Variants in KCNAB2 observed in about 807,000 individuals in gnomAD.
KCNAB2 encodes potassium voltage-gated channel subfamily A regulatory beta subunit 2, also known as voltage-gated potassium channel subunit beta-2.
In KCNAB2, 29 loss-of-function variants were observed where a neutral mutation model predicts 63.6. The ratio of observed to expected loss-of-function variants is 0.46; its 90% confidence interval spans 0.34 to 0.62. KCNAB2 has a LOEUF of 0.62. Among genes scored for constraint, KCNAB2 ranks in the 20% least tolerant of loss-of-function variants. KCNAB2 has a pLI of 0.01. For synonymous variants in KCNAB2, 222 were observed against 224.2 expected, an observed-to-expected ratio of 0.99 and a Z score of 0.09; for missense variants, 359 against 563.9, an observed-to-expected ratio of 0.64 and a Z score of 3.68.
chr1:6,046,206 A>T (rs1455827459), intron 1 of KCNAB2, 23 bp downstream of exon 1: 1 of 985,278 alleles, frequency 1.0e-6, no homozygotes, highest in East Asian at 1.1e-4. Context: ...TTCAGCCGCT[A>T]CCTTCCTAGT....
intron 2 of KCNAB2, among the ~76,000 whole-genome samples, chr1:6,054,043 A>T (rs1333243148): frequency 1.4e-5 from 1 of 72,148 alleles, no homozygotes; most frequent in South Asian, 4.0e-4. Context: ...ACCCTGTCTT[A>T]AAAAAAAAAA....
chr1:6,084,615 A>G (rs1338642467), intron 5 of KCNAB2, among the ~76,000 whole-genome samples: 1 of 152,176 alleles, frequency 6.6e-6, no homozygotes, highest in Non-Finnish European at 1.5e-5. Context: ...GAGGAGTTCG[A>G]GACCAGCCTG....
At chr1:6,046,539 T>C (rs1414761633) in intron 1 of KCNAB2, among the ~76,000 whole-genome samples, 3 of 152,338 alleles carry the variant, frequency 2.0e-5, no homozygotes, top group Non-Finnish European at 2.9e-5. Context: ...GATTCAGCAT[T>C]TTCCAGTTTT....
In KCNAB2 at chr1:6,100,074, C is replaced by G; in HGVS notation, c.*1500C>G. The G allele has an allele frequency of 6.8e-7, 1 of 1,465,020 alleles. No individual in the cohort carries two copies. Among genetic ancestry groups the G allele is most frequent in the African/African-American group, 1.4e-5 (1 of 70,502 alleles). The allele number at this position is 1,465,020 out of a possible 1,614,324, so 90.8% of individuals were successfully genotyped here. On this transcript the variant is annotated 3_prime_UTR_variant, in exon 16 of 16. Coordinates refer to ENST00000378083, the MANE Select transcript of KCNAB2 (RefSeq NM_001199862.2). ...CAGGGCGCACCCTCAGTGCAGGCAC[C>G]TCTGTTCCCGCTTTGCCCCTGGAGG... is the stretch of plus-strand genomic sequence containing the variant.
rs1486541314 is a variant in KCNAB2, at chr1:6,100,085, C to G, written c.*1511C>G. 1.4e-6 allele frequency: 2 copies of G among 1,455,070 alleles called. No homozygotes were observed. Among genetic ancestry groups the G allele is most frequent in the African/African-American group, 2.9e-5 (2 of 70,014 alleles). 90.1% of individuals were successfully genotyped at this position (1,455,070 alleles called of 1,614,324 possible). A position where few individuals can be genotyped will look rare whatever the true frequency, so the allele number is the denominator to read the frequency against. ...CTCAGTGCAGGCACCTCTGTTCCCG[C>G]TTTGCCCCTGGAGGAGCCACTATTC... On this transcript the variant is annotated 3_prime_UTR_variant, in exon 16 of 16. Transcript: ENST00000378083.
intron 1 of KCNAB2, chr1:6,040,443 G>C (rs1660405038): frequency 1.3e-6 from 1 of 795,160 alleles, no homozygotes; most frequent in East Asian, 2.6e-5. Flanking sequence ...TGATCCCAGA[G>C]TCTCCCGGCC....
chr1:6,005,938 C>T (rs1345885034), intron 1 of KCNAB2, among the ~76,000 whole-genome samples: 7 of 101,602 alleles, frequency 6.9e-5, no homozygotes, highest in African/African-American at 9.6e-5. Context: ...ACTCCACCCT[C>T]ACCCCTCAGC....
intron 1 of KCNAB2, among the ~76,000 whole-genome samples, chr1:5,993,038 C>A: frequency 6.6e-6 from 1 of 150,474 alleles, no homozygotes; most frequent in Non-Finnish European, 1.5e-5. Flanking sequence ...CCCGCCCGAC[C>A]CTTCAGCTCG....
intron 1 of KCNAB2, among the ~76,000 whole-genome samples, chr1:6,008,850 G>A (rs554493127): frequency 2.0e-5 from 3 of 152,272 alleles, no homozygotes; most frequent in South Asian, 2.1e-4. Context: ...TTGTTTCCGT[G>A]GGAACCTCAG....
intron 2 of KCNAB2, among the ~76,000 whole-genome samples, chr1:6,055,058 G>A (rs1661697440): frequency 6.6e-6 from 1 of 152,186 alleles, no homozygotes; most frequent in South Asian, 2.1e-4. Flanking sequence ...TGCTGGAAGG[G>A]ACAGGAAAGG....
chr1:6,097,708 A>T (rs1665766448), intron 15 of KCNAB2: 2 of 517,660 alleles, frequency 3.9e-6, no homozygotes, highest in African/African-American at 3.8e-5. Context: ...AGCAGTCTTG[A>T]GAGATGCGGA....
chr1:6,047,652 G>C (rs1661041743), intron 1 of KCNAB2, among the ~76,000 whole-genome samples: 1 of 152,184 alleles, frequency 6.6e-6, no homozygotes, highest in African/African-American at 2.4e-5. Context: ...TTTGGAGCCT[G>C]GGCCTTGGTT....
intron 1 of KCNAB2, among the ~76,000 whole-genome samples, chr1:6,023,791 A>G (rs952909091): frequency 6.6e-6 from 1 of 152,082 alleles, no homozygotes; most frequent in Non-Finnish European, 1.5e-5. Flanking sequence ...ATTTATTTAT[A>G]GAGGTGGGTC....
At chr1:6,085,825 C>G in intron 6 of KCNAB2, 2 of 988,006 alleles carry the variant, frequency 2.0e-6, no homozygotes, top group Non-Finnish European at 2.4e-6. Context: ...CAGGGCTATC[C>G]TGAGGGTCAG....
upstream of KCNAB2, among the ~76,000 whole-genome samples, chr1:6,045,641 G>A (rs564803570): frequency 6.6e-6 from 1 of 152,330 alleles, no homozygotes; most frequent in South Asian, 2.1e-4. The surrounding 1 kb of genome is among the most constrained non-coding windows in gnomAD (Gnocchi z 4.8). Context: ...TGTGGGTGGT[G>A]GCCCCATACG....
At chr1:6,072,701 G>A in intron 2 of KCNAB2, 54 bp from the exon 3 acceptor site, 2 of 1,599,920 alleles carry the variant, frequency 1.3e-6, no homozygotes, top group Non-Finnish European at 1.7e-6. Flanking sequence ...AACTGAGCCT[G>A]GCTGGCAGGG....
chr1:6,041,868 T>C, upstream of KCNAB2: 1 of 1,613,868 alleles, frequency 6.2e-7, no homozygotes. Flanking sequence ...GCTCCAGTTT[T>C]ACAGGTAATG....
At chr1:6,080,529 C>CG (rs1403722938) in intron 4 of KCNAB2, among the ~76,000 whole-genome samples, 1 of 152,192 alleles carries the variant, frequency 6.6e-6, no homozygotes. Flanking sequence ...CCTCCACCCC[C>CG]GGGCTTCCTG....
chr1:6,099,874 G>A lies in KCNAB2; in HGVS notation c.*1300G>A. On this transcript the variant is annotated 3_prime_UTR_variant, in exon 16 of 16. Coordinates refer to ENST00000378083, the MANE Select transcript of KCNAB2 (RefSeq NM_001199862.2). ...CCAGAGTGACGCCCCCGTGCAGCTT[G>A]GGCCGGAGGGCAAGGGATGCCAGTA... The A allele has an allele frequency of 6.5e-7, 1 of 1,549,982 alleles. No individual in the cohort carries two copies. The highest frequency in any genetic ancestry group is 8.7e-7 in the Non-Finnish European group (1 of 1,146,706).
Sources: gnomAD v4.1 joint callset for allele counts (sites outside exome capture counted in the v4.1 genomes callset) on GRCh38, gnomAD v4.1.1 for gene constraint, Gnocchi (gnomAD v3.1) non-coding constraint, MANE v1.5 for transcripts, NCBI Gene and HGNC (gene_info 2026-07-23, HGNC 2026-07-21) for gene names.